Variants in ALPK2 observed in about 807,000 individuals in gnomAD.
The protein encoded by ALPK2 is alpha kinase 2.
ALPK2 carries 127 observed loss-of-function variants against 163.1 expected under a neutral mutation model. The ratio of observed to expected loss-of-function variants is 0.78; its 90% CI spans 0.67 to 0.90. The LOEUF (loss-of-function observed/expected upper bound fraction) is 0.90, where lower values mean the gene tolerates loss of function less well. Among genes scored for constraint, ALPK2 ranks in the 40% least tolerant of loss-of-function variants. The probability of loss-of-function intolerance (pLI) is 0.00; values close to 1 mark genes in which losing one functional copy is unlikely to be tolerated. For synonymous variants in ALPK2, 953 were observed against 959.1 expected (o/e 0.99, Z 0.12); for missense variants, 2,360 against 2,589.6 (o/e 0.91, Z 1.92).
At chr18:58,488,124 C>G (rs182553235) in intron 12 of ALPK2, among the ~76,000 whole-genome samples, 4 of 152,244 alleles carry the variant, frequency 2.6e-5, no homozygotes, top group Admixed American at 2.0e-4. Context: ...CTACACTCAT[C>G]TCTATTTGAC....
chr18:58,621,693 A>G (rs73447278), intron 1 of ALPK2, among the ~76,000 whole-genome samples: 3,636 of 152,296 alleles, frequency 0.024, 139 homozygotes, highest in African/African-American at 0.083. Context: ...TTGCTCCTGG[A>G]AGGAGGCCTA....
intron 8 of ALPK2, among the ~76,000 whole-genome samples, chr18:58,523,477 G>A (rs1242703776): frequency 4.6e-5 from 7 of 152,144 alleles, no homozygotes; most frequent in Non-Finnish European, 8.8e-5. Flanking sequence ...CTAGATCCCT[G>A]AGGAATCACC....
At chr18:58,580,650 A>G (rs537365127) in intron 3 of ALPK2, 102 bp from the exon 4 acceptor site, 1 of 1,094,226 alleles carries the variant, frequency 9.1e-7, no homozygotes, top group East Asian at 2.4e-5. Context: ...ATTTTACTGC[A>G]TGTTCAAGGA....
chr18:58,573,855 A>G (rs7228627), intron 4 of ALPK2, among the ~76,000 whole-genome samples: 129,174 of 151,768 alleles, frequency 0.85, 55,354 homozygotes, highest in East Asian at 1. Flanking sequence ...TTGAAGCACC[A>G]TGCAAGATCT....
intron 11 of ALPK2, among the ~76,000 whole-genome samples, chr18:58,500,802 C>T (rs2051428061): frequency 6.6e-6 from 1 of 150,820 alleles, no homozygotes; most frequent in South Asian, 2.1e-4. Context: ...AAAGCTCATT[C>T]TCCAGAATTC....
rs55656447 is a variant in ALPK2, at chr18:58,535,238, G to A, written c.4949C>T (p.Ala1650Val). Residue 1650 changes from alanine (A) to valine (V), a missense_variant, in exon 5 of 13, where the codon GCG becomes GTG. Physicochemically the swap from Ala to Val is moderately conservative, Grantham distance 64. Transcript: ENST00000361673. ...TKPPSSSSSSAKTLAFISGER... is the reference protein window; with the variant it reads ...TKPPSSSSSSVKTLAFISGER... ...TCCTGAAATAAATGCCAAGGTCTTC[G>A]CTGAGGAGCTAGATGAGCTTGGGGG... is the stretch of plus-strand genomic sequence containing the variant. 18,467 of 1,614,090 alleles carry A rather than the reference G, an allele frequency of 0.011. 189 individuals carry two copies. Among genetic ancestry groups the A allele is most frequent in the Middle Eastern group, 0.05 (306 of 6,062 alleles).
intron 12 of ALPK2, among the ~76,000 whole-genome samples, chr18:58,492,899 C>A (rs1420600461): frequency 6.6e-6 from 1 of 152,210 alleles, no homozygotes; most frequent in Non-Finnish European, 1.5e-5. Context: ...CTGGGAGACT[C>A]CCCCATACAC....
At chr18:58,616,438 C>T (rs191155647) in intron 1 of ALPK2, among the ~76,000 whole-genome samples, 43 of 152,288 alleles carry the variant, frequency 2.8e-4, no homozygotes, top group Non-Finnish European at 4.9e-4. Context: ...CACAGAGAAA[C>T]GAATGCCAAG....
chr18:58,603,100 C>A (rs1466498365), intron 3 of ALPK2, among the ~76,000 whole-genome samples: 1 of 150,624 alleles, frequency 6.6e-6, no homozygotes, highest in African/African-American at 2.5e-5. Context: ...AGGCGAGCAG[C>A]CTATACCGCT....
At chr18:58,538,301 G>T in intron 4 of ALPK2, 77 bp from the exon 5 acceptor site, 2 of 1,281,130 alleles carry the variant, frequency 1.6e-6, no homozygotes, top group South Asian at 2.8e-5. Flanking sequence ...AATCCCAAGA[G>T]TGTTAATCCT....
chr18:58,617,379 G>T (rs1434224874), intron 1 of ALPK2, among the ~76,000 whole-genome samples: 1 of 151,980 alleles, frequency 6.6e-6, no homozygotes. Context: ...TAGAGACGGG[G>T]TTTCACCATG....
intron 8 of ALPK2, 44 bp downstream of exon 8, chr18:58,523,762 C>T (rs757172276): frequency 1.2e-6 from 2 of 1,613,262 alleles, no homozygotes; most frequent in South Asian, 1.1e-5. Context: ...TTATGCTTTA[C>T]AGTAAGCCCA....
At position 58,529,246 on chromosome 18, in the gene ALPK2, C is replaced by G; in HGVS notation, c.5354-8G>C. The G allele has an allele frequency of 6.2e-7, 1 of 1,608,144 alleles. No homozygotes were observed. ...TTTTCAGTAATACTGGAGCTAGAAA[C>G]AAGATATTTGAAGGTCAGTGTAACA... On this transcript the variant is annotated splice_region_variant and splice_polypyrimidine_tract_variant and intron_variant, in intron 5 of 12. Transcript: ENST00000361673.
chr18:58,579,190 C>T lies in ALPK2; in HGVS notation c.1586G>A (p.Arg529Lys), dbSNP rs373512950. 6.2e-7 allele frequency: 1 copy of T among 1,614,108 alleles called. No individual in the cohort carries two copies. Among genetic ancestry groups the T allele is most frequent in the Non-Finnish European group, 8.5e-7 (1 of 1,179,998 alleles). ...CACCCTGGCAGATTTCCTTGAACCCCTCTTGCTCCATAAGTCCTTTCCCCC... is the reference window on the plus strand; with the variant it reads ...CACCCTGGCAGATTTCCTTGAACCCTTCTTGCTCCATAAGTCCTTTCCCCC... ...RVGGKDLWSKRGSRKSARVRQ... is the reference protein window; with the variant it reads ...RVGGKDLWSKKGSRKSARVRQ... Residue 529 changes from arginine to lysine, a missense_variant, in exon 4 of 13, where the codon AGG (arginine) becomes AAG (lysine). Coordinates refer to ENST00000361673, the MANE Select transcript of ALPK2 (RefSeq NM_052947.4).
At chr18:58,575,217 A>G (rs4940728) in intron 4 of ALPK2, among the ~76,000 whole-genome samples, 46,517 of 148,288 alleles carry the variant, frequency 0.31, 7,280 homozygotes, top group Admixed American at 0.37. Context: ...AAAAAAAAAA[A>G]AAGAAGAAGA....
At chr18:58,576,514 GGA>G (rs928375892) in intron 4 of ALPK2, among the ~76,000 whole-genome samples, 1 of 152,178 alleles carries the variant, frequency 6.6e-6, no homozygotes, top group Non-Finnish European at 1.5e-5. Context: ...AATTTGTTAT[GGA>G]GAGAGTCACC....
At chr18:58,620,863 A>G (rs1247443881) in intron 1 of ALPK2, among the ~76,000 whole-genome samples, 1 of 152,220 alleles carries the variant, frequency 6.6e-6, no homozygotes, top group Non-Finnish European at 1.5e-5. Context: ...ACATTTAAAA[A>G]GAACGAGACA....
At chr18:58,493,620 G>A (rs2051386178) in intron 12 of ALPK2, among the ~76,000 whole-genome samples, 1 of 152,050 alleles carries the variant, frequency 6.6e-6, no homozygotes, top group Admixed American at 6.5e-5. Context: ...AGCTAGGCAC[G>A]CAGACCCCAA....
At chr18:58,553,833 T>C (rs932866897) in intron 4 of ALPK2, among the ~76,000 whole-genome samples, 1 of 139,352 alleles carries the variant, frequency 7.2e-6, no homozygotes, top group Non-Finnish European at 1.5e-5. Flanking sequence ...TCTCGAGCAG[T>C]TGGGGTTTTT....
Sources: gnomAD v4.1 joint callset for allele counts (sites outside exome capture counted in the v4.1 genomes callset) on GRCh38, gnomAD v4.1.1 for gene constraint, MANE v1.5 for transcripts, NCBI Gene and HGNC (gene_info 2026-07-23, HGNC 2026-07-21) for gene names.